The following VWA8 variants were observed in gnomAD, a reference collection of about 807,000 sequenced individuals.
The protein encoded by VWA8 is von Willebrand factor A domain-containing protein 8.
A neutral mutation model predicts 241.5 loss-of-function variants in VWA8; 221 were observed. That is an observed-to-expected ratio of 0.91 (90% CI 0.82 to 1.02). The LOEUF (loss-of-function observed/expected upper bound fraction) is 1.02, where lower values mean the gene tolerates loss of function less well. Ranked by LOEUF, VWA8 falls within the 50% of genes least tolerant of loss-of-function variation. The probability of loss-of-function intolerance (pLI) is 0.00; values close to 1 mark genes in which losing one functional copy is unlikely to be tolerated. For missense variants in VWA8, 2,322 were observed against 2,328.7 expected (o/e 1.00, Z 0.06); for synonymous variants, 852 against 827.1 (o/e 1.03, Z -0.52).
intron 39 of VWA8, among the ~76,000 whole-genome samples, chr13:41,608,469 A>G (rs554169430): frequency 2.8e-4 from 43 of 152,306 alleles, no homozygotes; most frequent in African/African-American, 9.9e-4. Context: ...TTCACATCCT[A>G]GTAATCTTTG....
chr13:41,798,116 T>C (rs1359161709), intron 17 of VWA8, among the ~76,000 whole-genome samples: 1 of 152,210 alleles, frequency 6.6e-6, no homozygotes, highest in Non-Finnish European at 1.5e-5. Flanking sequence ...TATTCTCTTC[T>C]TAAACAACAG....
chr13:41,882,167 G>C (rs1193044054), intron 9 of VWA8, among the ~76,000 whole-genome samples: 2 of 151,458 alleles, frequency 1.3e-5, no homozygotes, highest in Non-Finnish European at 2.9e-5. Context: ...TCCCAGACGG[G>C]GCGGCAGGGC....
intron 9 of VWA8, among the ~76,000 whole-genome samples, chr13:41,877,598 T>A (rs990639384): frequency 2.6e-5 from 4 of 152,058 alleles, no homozygotes; most frequent in Non-Finnish European, 5.9e-5. Flanking sequence ...ATACTAAATG[T>A]AAGATCCAAG....
At chr13:41,572,145 G>A (rs961479093) in intron 43 of VWA8, among the ~76,000 whole-genome samples, 1 of 150,748 alleles carries the variant, frequency 6.6e-6, no homozygotes, top group South Asian at 2.1e-4. Flanking sequence ...GAGCCCCTCC[G>A]CCTGGCAGCC....
intron 12 of VWA8, among the ~76,000 whole-genome samples, chr13:41,863,872 G>A (rs138939432): frequency 1.4e-3 from 220 of 152,086 alleles, no homozygotes; most frequent in African/African-American, 5.0e-3. Context: ...CCTGGGTGAC[G>A]GAATCATTTA....
chr13:41,581,903 G>A (rs1260547015), intron 42 of VWA8, among the ~76,000 whole-genome samples: 1 of 152,030 alleles, frequency 6.6e-6, no homozygotes, highest in Non-Finnish European at 1.5e-5. Context: ...GAAAGCATGA[G>A]GAACAAATTG....
intron 20 of VWA8, among the ~76,000 whole-genome samples, chr13:41,774,643 A>G (rs1868506848): frequency 6.6e-6 from 1 of 152,246 alleles, no homozygotes; most frequent in Non-Finnish European, 1.5e-5. Context: ...CACTTCAGAG[A>G]GTGCAGTCAA....
intron 17 of VWA8, among the ~76,000 whole-genome samples, chr13:41,806,132 G>A (rs1870196909): frequency 6.6e-6 from 1 of 151,854 alleles, no homozygotes; most frequent in Non-Finnish European, 1.5e-5. Context: ...GCTCCTGAAT[G>A]ACCAGTGAGT....
chr13:41,877,605 C>T (rs1023498027), intron 9 of VWA8, among the ~76,000 whole-genome samples: 2 of 151,932 alleles, frequency 1.3e-5, no homozygotes, highest in African/African-American at 4.8e-5. Context: ...ATGTAAGATC[C>T]AAGTTTCTTA....
At chr13:41,901,184 C>T (rs1430104143) in intron 4 of VWA8, among the ~76,000 whole-genome samples, 1 of 149,430 alleles carries the variant, frequency 6.7e-6, no homozygotes, top group Admixed American at 6.7e-5. Flanking sequence ...TCAATCATAG[C>T]TCACTGTAAC....
chr13:41,638,218 G>A (rs1485997382), intron 37 of VWA8, among the ~76,000 whole-genome samples: 1 of 152,062 alleles, frequency 6.6e-6, no homozygotes, highest in Non-Finnish European at 1.5e-5. Flanking sequence ...AAGACGGTTT[G>A]AAAAAATGTA....
At chr13:41,844,864 G>A (rs1420279920) in intron 12 of VWA8, among the ~76,000 whole-genome samples, 1 of 151,522 alleles carries the variant, frequency 6.6e-6, no homozygotes, top group African/African-American at 2.4e-5. Context: ...TCTCTACAAG[G>A]AGAACTATAA....
intron 36 of VWA8, among the ~76,000 whole-genome samples, chr13:41,673,417 A>G (rs2045039214): frequency 6.6e-6 from 1 of 152,192 alleles, no homozygotes; most frequent in Non-Finnish European, 1.5e-5. Context: ...GATTTTATAC[A>G]TATGTCAAAA....
At chr13:41,909,459 G>A (rs1239799933) in intron 3 of VWA8, among the ~76,000 whole-genome samples, 1 of 152,200 alleles carries the variant, frequency 6.6e-6, no homozygotes, top group Admixed American at 6.5e-5. Flanking sequence ...AATTGGCTGA[G>A]AGAGCACAAT....
intron 18 of VWA8, 55 bp downstream of exon 18, chr13:41,787,382 A>G: frequency 1.4e-6 from 2 of 1,388,672 alleles, no homozygotes; most frequent in South Asian, 2.4e-5. Context: ...AAACAGCATC[A>G]AATGTTTGTT....
intron 18 of VWA8, among the ~76,000 whole-genome samples, chr13:41,786,613 A>G (rs1475477610): frequency 6.6e-6 from 1 of 152,122 alleles, no homozygotes; most frequent in East Asian, 1.9e-4. Flanking sequence ...CTTCTCTTTG[A>G]GTTGACTCTG....
At chr13:41,829,837 T>TCC (rs1871352769) in intron 14 of VWA8, among the ~76,000 whole-genome samples, 1 of 152,124 alleles carries the variant, frequency 6.6e-6, no homozygotes, top group Admixed American at 6.5e-5. Context: ...TCAGGTACAC[T>TCC]GCTCAGGTGA....
chr13:41,793,936 C>G (rs1391554903), intron 17 of VWA8, among the ~76,000 whole-genome samples: 3 of 152,170 alleles, frequency 2.0e-5, no homozygotes, highest in African/African-American at 7.2e-5. Context: ...TGTCAAAGAT[C>G]AGGTGGTTGT....
intron 2 of VWA8, among the ~76,000 whole-genome samples, chr13:41,937,215 G>C (rs918405206): frequency 1.3e-5 from 2 of 152,110 alleles, no homozygotes; most frequent in African/African-American, 4.8e-5. Flanking sequence ...TGGGGGGAGG[G>C]AAATGGTTTC....
Sources: allele counts gnomAD v4.1 joint callset (sites outside exome capture counted in the v4.1 genomes callset), GRCh38; gene constraint gnomAD v4.1.1; transcripts MANE v1.5; gene names NCBI Gene and HGNC (gene_info 2026-07-23, HGNC 2026-07-21).